CEP104: variants seen among roughly 807,000 people sequenced by gnomAD.
The protein encoded by CEP104 is centrosomal protein 104.
A neutral mutation model predicts 113.3 loss-of-function variants in CEP104; 84 were observed. That is an observed-to-expected ratio of 0.74 (90% CI 0.62 to 0.89). The LOEUF (loss-of-function observed/expected upper bound fraction) is 0.89, where lower values mean the gene tolerates loss of function less well. Among genes scored for constraint, CEP104 ranks in the 40% least tolerant of loss-of-function variants. The probability of loss-of-function intolerance (pLI) is 0.00; values close to 1 mark genes in which losing one functional copy is unlikely to be tolerated. For synonymous variants in CEP104, 378 were observed against 421.7 expected, an observed-to-expected ratio of 0.90 and a Z score of 1.27; for missense variants, 1,053 against 1,156.6, an observed-to-expected ratio of 0.91 and a Z score of 1.30.
At chr1:3,843,994 T>G (rs1353059826) in intron 6 of CEP104, among the ~76,000 whole-genome samples, 4 of 151,668 alleles carry the variant, frequency 2.6e-5, no homozygotes. Context: ...ACTCCTGACC[T>G]CGTGATCCAC....
intron 20 of CEP104, among the ~76,000 whole-genome samples, chr1:3,820,978 C>T (rs971104962): frequency 2.6e-5 from 4 of 152,206 alleles, no homozygotes; most frequent in Admixed American, 6.5e-5. Flanking sequence ...CAGCTCAGAA[C>T]GGGAAGGGGA....
At chr1:3,856,852 C>A (rs1644744828) in intron 1 of CEP104, 37 bp downstream of exon 1, 1 of 151,702 alleles carries the variant, frequency 6.6e-6, no homozygotes, top group South Asian at 2.0e-4. Flanking sequence ...CTCCCCACTC[C>A]GGCCCTGGGC....
chr1:3,834,815 G>T, intron 11 of CEP104, 110 bp downstream of exon 11: 1 of 938,900 alleles, frequency 1.1e-6, no homozygotes, highest in Non-Finnish European at 1.6e-6. Flanking sequence ...TACAGTTGGT[G>T]ACCACGTCAA....
rs1159822437 is a variant in CEP104 at position 3,813,320 on chromosome 1, G to A, written c.*2082C>T. ...GGCTGGAGTGCAATGGCATGATGTG[G>A]GCTCAATGCAACCTCCACCTCCCGG... On this transcript the variant is annotated 3_prime_UTR_variant, in exon 22 of 22. Transcript: ENST00000378230. 6.6e-6 allele frequency: 1 copy of A among 150,966 alleles called. No homozygotes were observed. The highest frequency in any genetic ancestry group is 1.5e-5 in the Non-Finnish European group (1 of 67,830). The allele number at this position is 150,966 out of a possible 1,614,324, so 9.4% of individuals were successfully genotyped here. A position where few individuals can be genotyped will look rare whatever the true frequency, so the allele number is the denominator to read the frequency against.
At position 3,825,876 on chromosome 1, in the gene CEP104, AAGC is replaced by A. The variant is rs1166396491; in HGVS notation, c.2256-13_2256-11del. ...ACAAAAAATACACAAACTGAAAGCAAAGCAAAGCAGGAAATAAAGGTAAGGATC... is the reference window on the plus strand; with the variant it reads ...ACAAAAAATACACAAACTGAAAGCAAAAAGCAGGAAATAAAGGTAAGGATC... On this transcript the variant is annotated splice_polypyrimidine_tract_variant and intron_variant, in intron 17 of 21. Coordinates refer to ENST00000378230, the MANE Select transcript of CEP104 (RefSeq NM_014704.4). The A allele has an allele frequency of 6.3e-7, 1 of 1,582,400 alleles. No individual in the cohort carries two copies. Among genetic ancestry groups the A allele is most frequent in the Non-Finnish European group, 8.7e-7 (1 of 1,150,896 alleles).
intron 21 of CEP104, 99 bp from the exon 22 acceptor site, chr1:3,815,616 G>C: frequency 2.6e-6 from 2 of 783,266 alleles, no homozygotes; most frequent in Non-Finnish European, 2.0e-6. Flanking sequence ...AACGTCCCAG[G>C]CCCATGCTGA....
intron 20 of CEP104, among the ~76,000 whole-genome samples, chr1:3,816,886 C>A (rs528942978): frequency 1.8e-4 from 27 of 152,252 alleles, no homozygotes; most frequent in Non-Finnish European, 4.0e-4. Flanking sequence ...CCTGGGCAGC[C>A]AGCTTCTTTC....
intron 20 of CEP104, among the ~76,000 whole-genome samples, chr1:3,816,745 C>G (rs1404241165): frequency 6.6e-6 from 1 of 152,272 alleles, no homozygotes; most frequent in East Asian, 1.9e-4. Context: ...ACGCGCCAGG[C>G]ACCGCGGGCT....
intron 6 of CEP104, among the ~76,000 whole-genome samples, chr1:3,843,866 A>T (rs1442938182): frequency 1.3e-5 from 2 of 151,828 alleles, no homozygotes; most frequent in East Asian, 3.9e-4. Flanking sequence ...GATTCAAGTC[A>T]TTCTCCTGCC....
In CEP104 at chr1:3,839,011, C is replaced by T. The variant is rs145723255; in HGVS notation, c.844G>A (p.Glu282Lys). The T allele has an allele frequency of 6.5e-5, 105 of 1,614,132 alleles. No individual in the cohort carries two copies. In the East Asian group the frequency reaches 1.0e-3, roughly 15 times the overall value. ...TGCAGCTCCAGCTGCTCGTACACCT[C>T]GGCACGATACTGCTCCATCTGCTGC... ...KKQQMEQYRA[E>K]VYEQLELHSL... is the part of the protein sequence containing the mutation. The change falls in exon 8 of 22, where the codon GAG becomes AAG. Residue 282 changes from glutamate (E) to lysine (K), a missense_variant. By Grantham distance (56) the Glu-to-Lys change is moderately conservative (BLOSUM62 1). Transcript: ENST00000378230.
At chr1:3,844,110 A>AG (rs1644464171) in intron 6 of CEP104, among the ~76,000 whole-genome samples, 1 of 152,188 alleles carries the variant, frequency 6.6e-6, no homozygotes, top group Non-Finnish European at 1.5e-5. Flanking sequence ...ACTCCTCTAA[A>AG]GAATAAACTT....
intron 1 of CEP104, chr1:3,855,827 G>T: frequency 1.1e-6 from 1 of 869,794 alleles, no homozygotes; most frequent in Non-Finnish European, 1.4e-6. Context: ...AATTTGGGAA[G>T]AAGCAAAGCT....
Position 3,835,247 on chromosome 1 carries a change from T to A in CEP104, c.1318-155A>T, listed in dbSNP as rs547142140. Among the ~76,000 whole-genome samples, 9 of 152,298 alleles carry A rather than the reference T, an allele frequency of 5.9e-5. No homozygotes were observed. In the South Asian group the frequency reaches 6.2e-4, roughly 11 times the overall value. On this transcript the variant is annotated intron_variant, in intron 10 of 21. Coordinates refer to ENST00000378230, the MANE Select transcript of CEP104 (RefSeq NM_014704.4). The stretch of plus-strand genomic sequence containing the variant: ...GATTCATTTCTAATAATAGAACTTT[T>A]ACAAATAAATATGTATATTTAGAGA...
intron 4 of CEP104, 141 bp downstream of exon 4, chr1:3,847,334 C>A: frequency 1.1e-6 from 1 of 881,894 alleles, no homozygotes. Flanking sequence ...GACAGCACAG[C>A]TCAGAGAGCT....
chr1:3,849,747 T>G (rs961964051), intron 2 of CEP104, among the ~76,000 whole-genome samples: 1 of 152,168 alleles, frequency 6.6e-6, no homozygotes, highest in African/African-American at 2.4e-5. Context: ...TTACTGCTTT[T>G]AAATACAGGG....
chr1:3,846,386 A>C (rs1644508395), intron 4 of CEP104, among the ~76,000 whole-genome samples: 1 of 152,180 alleles, frequency 6.6e-6, no homozygotes, highest in East Asian at 1.9e-4. Context: ...AGCTGGCACA[A>C]ACTGGGAAAC....
At chr1:3,844,186 T>C (rs772937603) in intron 6 of CEP104, among the ~76,000 whole-genome samples, 9 of 152,252 alleles carry the variant, frequency 5.9e-5, no homozygotes, top group Non-Finnish European at 1.2e-4. Flanking sequence ...CTTTGATTTT[T>C]ACCATGAATT....
rs186117937 is a variant in CEP104 at position 3,829,171 on chromosome 1, A to C, written c.2151+95T>G. The stretch of plus-strand genomic sequence containing the variant: ...AGGAATCAAGACGCTCATTTGCATA[A>C]TCCCATGAAAAATAAGTCAAGTATG... On this transcript the variant is annotated intron_variant, in intron 15 of 21. Coordinates refer to ENST00000378230, the MANE Select transcript of CEP104 (RefSeq NM_014704.4). The C allele has an allele frequency of 9.9e-5, 85 of 860,870 alleles. No individual in the cohort carries two copies. The African/African-American group carries it at 1.5e-3, about 15-fold the overall frequency. 53.3% of individuals were successfully genotyped at this position (860,870 alleles called of 1,614,324 possible). A position where few individuals can be genotyped will look rare whatever the true frequency, so the allele number is the denominator to read the frequency against.
chr1:3,850,953 A>G (rs1161099456), intron 2 of CEP104, among the ~76,000 whole-genome samples: 2 of 152,192 alleles, frequency 1.3e-5, no homozygotes, highest in Non-Finnish European at 2.9e-5. Flanking sequence ...ATGTGCTGTG[A>G]GCGTACAGGA....
Sources: gnomAD v4.1 joint callset for allele counts (sites outside exome capture counted in the v4.1 genomes callset) on GRCh38, gnomAD v4.1.1 for gene constraint, MANE v1.5 for transcripts, NCBI Gene and HGNC (gene_info 2026-07-23, HGNC 2026-07-21) for gene names.